The following MPDZ variants were observed in gnomAD, a reference collection of about 807,000 sequenced individuals.
MPDZ encodes multiple PDZ domain protein.
Under a neutral mutation model 239.1 loss-of-function variants are expected in MPDZ, and 234 were observed. The observed-to-expected ratio is 0.98, with a 90% CI of 0.88 to 1.09. The LOEUF is 1.09. Among genes scored for constraint, MPDZ ranks in the 50% least tolerant of loss-of-function variants. MPDZ has a pLI of 0.00. For synonymous variants in MPDZ, 1,048 were observed against 881.3 expected (o/e 1.19, Z -3.35); for missense variants, 3,175 against 2,510.0 (o/e 1.26, Z -5.66).
chr9:13,133,908 A>G lies in MPDZ; in HGVS notation c.4384-4T>C, dbSNP rs1178775274. The G allele has an allele frequency of 1.3e-6, 2 of 1,510,718 alleles. No homozygotes were observed. The highest frequency in any genetic ancestry group is 1.8e-6 in the Non-Finnish European group (2 of 1,122,652). The allele number at this position is 1,510,718 out of a possible 1,614,324, so 93.6% of individuals were successfully genotyped here. On this transcript the variant is annotated splice_region_variant and splice_polypyrimidine_tract_variant and intron_variant, in intron 31 of 46. Transcript: ENST00000319217. ...AAGTAGTAACAGTTGGCTCTGTCTG[A>G]CAGAGGGAAAGAAATGACAAAAAGA...
chr9:13,190,415 A>G (rs1364215671), intron 15 of MPDZ, 116 bp from the exon 16 acceptor site: 14 of 888,220 alleles, frequency 1.6e-5, no homozygotes, highest in Non-Finnish European at 2.1e-5. Context: ...TCCTCAAACA[A>G]GAGTAGCAAC....
chr9:13,167,423 TTTC>T (rs1173293731), intron 22 of MPDZ, among the ~76,000 whole-genome samples: 1 of 152,076 alleles, frequency 6.6e-6, no homozygotes, highest in African/African-American at 2.4e-5. Context: ...GGTATATACT[TTTC>T]TTCTTTTTAT....
At position 13,107,062 on chromosome 9, in the gene MPDZ, G is replaced by C; in HGVS notation, c.6116C>G (p.Ala2039Gly). 6.2e-7 allele frequency: 1 copy of C among 1,602,744 alleles called. No homozygotes were observed. Residue 2039 changes from alanine (A) to glycine (G), a missense_variant, in exon 47 of 47, where the codon GCT becomes GGT. Transcript: ENST00000319217. Reference protein sequence around the residue: ...GRLKRGDQIIAVNGQSLEGVT... With the variant: ...GRLKRGDQIIGVNGQSLEGVT... The stretch of plus-strand genomic sequence containing the variant: ...TCCTTCTAGACTCTGCCCATTGACA[G>C]CAATGATCTGATCGCCCCTTTTCAG...
At chr9:13,187,187 T>A (rs1024903958) in intron 17 of MPDZ, among the ~76,000 whole-genome samples, 3 of 152,172 alleles carry the variant, frequency 2.0e-5, no homozygotes, top group African/African-American at 7.2e-5. Context: ...GAGTTTAGTA[T>A]TTATTAAGCC....
intron 13 of MPDZ, among the ~76,000 whole-genome samples, chr9:13,194,464 T>C (rs1214440097): frequency 6.6e-6 from 1 of 151,874 alleles, no homozygotes; most frequent in East Asian, 1.9e-4. Context: ...CCAAACACCA[T>C]ATGTTCTCAC....
At chr9:13,264,295 CAT>C (rs953706455) in intron 1 of MPDZ, among the ~76,000 whole-genome samples, 3 of 152,236 alleles carry the variant, frequency 2.0e-5, no homozygotes, top group South Asian at 2.1e-4. Context: ...TCCTAAAACA[CAT>C]AGATACACAA....
intron 3 of MPDZ, among the ~76,000 whole-genome samples, chr9:13,225,466 T>C (rs1433012466): frequency 6.6e-6 from 1 of 151,968 alleles, no homozygotes; most frequent in Non-Finnish European, 1.5e-5. Context: ...AGTAATGTCG[T>C]AGGCCTTCAC....
intron 44 of MPDZ, 139 bp downstream of exon 44, chr9:13,110,497 A>G (rs1250234759): frequency 1.5e-6 from 1 of 680,868 alleles, no homozygotes; most frequent in Non-Finnish European, 2.5e-6. Context: ...TGGAACTCTT[A>G]ATTTAATCAT....
chr9:13,121,497 T>C (rs889206212), intron 38 of MPDZ, among the ~76,000 whole-genome samples: 1 of 152,232 alleles, frequency 6.6e-6, no homozygotes, highest in South Asian at 2.1e-4. Context: ...TCCTAGCACA[T>C]AGCAGGTGCT....
At position 13,189,038 on chromosome 9, in the gene MPDZ, A is replaced by T. The variant is rs1954539453; in HGVS notation, c.2155-45T>A. The T allele has an allele frequency of 4.5e-6, 7 of 1,560,022 alleles. No homozygotes were observed. The Middle Eastern group carries it at 5.1e-4, about 114-fold the overall frequency. ...AAGAGTCAGCTCATTTTACAAAGAA[A>T]ATTCTTCTACAGGTCGTCCACTCTA... On this transcript the variant is annotated intron_variant, in intron 16 of 46. Coordinates refer to ENST00000319217, the MANE Select transcript of MPDZ (RefSeq NM_001378778.1).
chr9:13,238,324 T>C (rs548166156), intron 3 of MPDZ, among the ~76,000 whole-genome samples: 8 of 152,276 alleles, frequency 5.3e-5, no homozygotes, highest in African/African-American at 1.7e-4. Context: ...TCCACTTACA[T>C]AATAAGATTA....
At chr9:13,245,303 TAGTA>T (rs1455968090) in intron 3 of MPDZ, among the ~76,000 whole-genome samples, 1 of 151,562 alleles carries the variant, frequency 6.6e-6, no homozygotes, top group Non-Finnish European at 1.5e-5. Context: ...GGAATTGAAT[TAGTA>T]AAGAATGGAG....
intron 37 of MPDZ, 68 bp downstream of exon 37, chr9:13,122,015 CAAAG>C: frequency 2.5e-6 from 4 of 1,600,096 alleles, no homozygotes; most frequent in South Asian, 1.1e-5. Context: ...GAGAAAGAAG[CAAAG>C]AAAGAAACAC....
intron 41 of MPDZ, 25 bp from the exon 42 acceptor site, chr9:13,113,079 A>G: frequency 6.5e-7 from 1 of 1,543,422 alleles, no homozygotes; most frequent in Non-Finnish European, 8.8e-7. Context: ...AAGATAAAAT[A>G]GGGTTATTTT....
chr9:13,134,996 A>G (rs1432599731), intron 31 of MPDZ: 2 of 152,230 alleles, frequency 1.3e-5, no homozygotes, highest in East Asian at 3.9e-4. Context: ...TCTCTGTAGC[A>G]AGCACCTCAG....
intron 24 of MPDZ, among the ~76,000 whole-genome samples, chr9:13,155,034 C>A (rs543441346): frequency 1.3e-5 from 2 of 151,960 alleles, no homozygotes; most frequent in Admixed American, 6.6e-5. Context: ...CTGGCCAACA[C>A]GGTGAAACCC....
intron 21 of MPDZ, among the ~76,000 whole-genome samples, chr9:13,173,343 C>G (rs576402959): frequency 1.1e-4 from 16 of 152,052 alleles, no homozygotes; most frequent in Non-Finnish European, 2.2e-4. Context: ...TAAGAAAATC[C>G]ATATAATCTC....
Position 13,125,229 on chromosome 9 carries a change from C to T in MPDZ, c.4794G>A (p.Pro1598=), listed in dbSNP as rs374789260. The change falls in exon 35 of 47, where the codon CCG becomes CCA. Residue 1598 remains proline (P), a synonymous_variant. Transcript: ENST00000319217. ...CAGAGGCCTTACTTCGGATGGACTC[C>T]GGTTCTGGGGAGCCAGACTGTGGGA... ...LMVPQSGSPE[P]ESIRNTSRSS... is the part of the protein sequence containing the mutation. The T allele has an allele frequency of 6.9e-6, 11 of 1,598,746 alleles. No homozygotes were observed. Among genetic ancestry groups the T allele is most frequent in the South Asian group, 4.5e-5 (4 of 89,524 alleles).
intron 24 of MPDZ, among the ~76,000 whole-genome samples, chr9:13,155,694 C>T (rs950401123): frequency 9.9e-5 from 15 of 152,042 alleles, no homozygotes; most frequent in Non-Finnish European, 1.8e-4. Context: ...ATACAAAGTA[C>T]ATTTTTGTTG....
Sources: allele counts gnomAD v4.1 joint callset (sites outside exome capture counted in the v4.1 genomes callset), GRCh38; gene constraint gnomAD v4.1.1; transcripts MANE v1.5; gene names NCBI Gene and HGNC (gene_info 2026-07-23, HGNC 2026-07-21).